MACROD2: variants seen among roughly 807,000 people sequenced by gnomAD.
MACROD2 encodes the protein mono-ADP ribosylhydrolase 2, also known as ADP-ribose glycohydrolase MACROD2.
In MACROD2, 36 loss-of-function variants were observed where a neutral mutation model predicts 70.4. That is an observed-to-expected ratio of 0.51 (90% CI 0.39 to 0.68). The LOEUF is 0.68. MACROD2 is among the 30% of genes least tolerant of loss of function. The pLI is 0.00. For missense variants in MACROD2, 496 were observed against 538.4 expected, an observed-to-expected ratio of 0.92 and a Z score of 0.78; for synonymous variants, 172 against 178.8, an observed-to-expected ratio of 0.96 and a Z score of 0.30.
chr20:14,741,540 A>G (rs1181265300), intron 5 of MACROD2, among the ~76,000 whole-genome samples: 2 of 152,170 alleles, frequency 1.3e-5, no homozygotes, highest in Non-Finnish European at 2.9e-5. Flanking sequence ...TTAATGAAAT[A>G]TATTTGCTGA....
intron 5 of MACROD2, among the ~76,000 whole-genome samples, chr20:14,844,640 C>A (rs913473379): frequency 6.6e-6 from 1 of 152,168 alleles, no homozygotes; most frequent in Middle Eastern, 3.4e-3. Flanking sequence ...TTAGTATAAA[C>A]TCAGATACTT....
intron 4 of MACROD2, among the ~76,000 whole-genome samples, chr20:14,638,964 A>C (rs1187876423): frequency 1.3e-5 from 2 of 151,970 alleles, no homozygotes; most frequent in Non-Finnish European, 2.9e-5. Context: ...AAAAAAAAAA[A>C]AGAAAGAATT....
At chr20:15,836,830 G>A (rs1215623887) in intron 8 of MACROD2, among the ~76,000 whole-genome samples, 2 of 152,126 alleles carry the variant, frequency 1.3e-5, no homozygotes, top group Non-Finnish European at 2.9e-5. Flanking sequence ...AGCAATATGG[G>A]TCTAATTGGG....
intron 3 of MACROD2, among the ~76,000 whole-genome samples, chr20:14,300,071 G>T (rs1266235906): frequency 1.3e-5 from 2 of 152,058 alleles, no homozygotes; most frequent in Non-Finnish European, 2.9e-5. Flanking sequence ...TGTTTCTAAG[G>T]TTTTCTAAAT....
At chr20:14,091,929 A>G (rs779729226) in intron 3 of MACROD2, among the ~76,000 whole-genome samples, 1 of 152,070 alleles carries the variant, frequency 6.6e-6, no homozygotes. Flanking sequence ...ATGACCATAC[A>G]TTTTTGTTTC....
At chr20:15,107,288 C>CA (rs1254856666) in intron 5 of MACROD2, among the ~76,000 whole-genome samples, 3 of 151,208 alleles carry the variant, frequency 2.0e-5, no homozygotes, top group African/African-American at 7.3e-5. Context: ...TAGCAAGCAA[C>CA]AAAAATATAT....
Position 16,024,046 on chromosome 20 carries a change from C to T in MACROD2, c.1154-17155C>T, listed in dbSNP as rs907230363. 3.3e-5 allele frequency among the ~76,000 whole-genome samples: 5 copies of T among 152,124 alleles called. No individual in the cohort carries two copies. The East Asian group carries it at 9.6e-4, about 29-fold the overall frequency. ...AGGTGGGCTGGGGTGATGGCCCAGG[C>T]ATCAACAATAGCTGCTCCAAATAGC... On this transcript the variant is annotated intron_variant, in intron 15 of 17. Coordinates refer to ENST00000684519, the MANE Select transcript of MACROD2 (RefSeq NM_001351661.2).
chr20:14,754,553 CAG>C (rs1247288237), intron 5 of MACROD2, among the ~76,000 whole-genome samples: 1 of 151,952 alleles, frequency 6.6e-6, no homozygotes. Flanking sequence ...CTGGTGGGCA[CAG>C]AGTCTCTTTT....
intron 15 of MACROD2, among the ~76,000 whole-genome samples, chr20:15,995,587 T>G (rs1185991063): frequency 6.7e-6 from 1 of 148,312 alleles, no homozygotes. Flanking sequence ...CCTGACCTCA[T>G]GATCTGCCTG....
intron 3 of MACROD2, among the ~76,000 whole-genome samples, chr20:14,156,062 T>C (rs1260642272): frequency 2.0e-5 from 3 of 152,166 alleles, no homozygotes; most frequent in African/African-American, 7.2e-5. Flanking sequence ...CTTGGGAGGC[T>C]GAGGCAGGAG....
intron 8 of MACROD2, among the ~76,000 whole-genome samples, chr20:15,745,844 C>T (rs1262637754): frequency 6.6e-6 from 1 of 152,032 alleles, no homozygotes; most frequent in Non-Finnish European, 1.5e-5. Context: ...GCTCTTTCTG[C>T]TGTATATTAA....
intron 5 of MACROD2, among the ~76,000 whole-genome samples, chr20:15,110,998 A>G (rs910986149): frequency 6.6e-6 from 1 of 152,158 alleles, no homozygotes; most frequent in Non-Finnish European, 1.5e-5. Context: ...TATTCTGTGA[A>G]GTAAGAGTCA....
chr20:15,441,591 C>G (rs2146375589), intron 7 of MACROD2, among the ~76,000 whole-genome samples: 1 of 151,942 alleles, frequency 6.6e-6, no homozygotes, highest in Admixed American at 6.6e-5. Context: ...TGTGGGCCCT[C>G]TAATTATATA....
intron 15 of MACROD2, among the ~76,000 whole-genome samples, chr20:16,009,207 A>G (rs1026470833): frequency 6.6e-6 from 1 of 152,168 alleles, no homozygotes; most frequent in African/African-American, 2.4e-5. Context: ...ATGTGCACCC[A>G]CTGCCTTTAT....
At chr20:15,084,074 T>TTTTGTTTTTTTTG (rs11466981) in intron 5 of MACROD2, among the ~76,000 whole-genome samples, 1 of 117,034 alleles carries the variant, frequency 8.5e-6, no homozygotes, top group Non-Finnish European at 2.1e-5. Flanking sequence ...TTTTTTTTGT[T>TTTTGTTTTTTTTG]TTTTTTTTTT....
At chr20:14,145,881 G>A (rs924032484) in intron 3 of MACROD2, among the ~76,000 whole-genome samples, 6 of 152,068 alleles carry the variant, frequency 3.9e-5, no homozygotes, top group African/African-American at 1.4e-4. Context: ...CAATATTAAC[G>A]TAATGTTAAC....
At chr20:14,349,756 A>G (rs1200759890) in intron 3 of MACROD2, among the ~76,000 whole-genome samples, 3 of 150,344 alleles carry the variant, frequency 2.0e-5, no homozygotes, top group South Asian at 2.1e-4. Flanking sequence ...TTCATGTAAT[A>G]TAATGACCTT....
intron 4 of MACROD2, among the ~76,000 whole-genome samples, chr20:14,659,363 T>C (rs1307359490): frequency 6.6e-6 from 1 of 152,194 alleles, no homozygotes; most frequent in African/African-American, 2.4e-5. Context: ...TATTCATTCT[T>C]CCCTTCTGAT....
At chr20:15,709,134 C>T (rs540842355) in intron 8 of MACROD2, among the ~76,000 whole-genome samples, 1 of 152,190 alleles carries the variant, frequency 6.6e-6, no homozygotes, top group Admixed American at 6.5e-5. Context: ...TTATTATCCC[C>T]ACCTATAGGA....
Sources: gnomAD v4.1 joint callset for allele counts (sites outside exome capture counted in the v4.1 genomes callset) on GRCh38, gnomAD v4.1.1 for gene constraint, MANE v1.5 for transcripts, NCBI Gene and HGNC (gene_info 2026-07-23, HGNC 2026-07-21) for gene names.